The following MGLL variants were observed in gnomAD, a reference collection of about 807,000 sequenced individuals.
MGLL encodes monoglyceride lipase.
In MGLL, 7 loss-of-function variants were observed where a neutral mutation model predicts 29.1. That is an observed-to-expected ratio of 0.24 (90% CI 0.14 to 0.45). The LOEUF (loss-of-function observed/expected upper bound fraction) is 0.45, where lower values mean the gene tolerates loss of function less well. Among genes scored for constraint, MGLL ranks in the 20% least tolerant of loss-of-function variants. MGLL has a pLI of 0.99. For synonymous variants in MGLL, 148 were observed against 168.3 expected (o/e 0.88, Z 0.93); for missense variants, 356 against 413.6 (o/e 0.86, Z 1.21).
chr3:127,754,392 C>T (rs1243026425), intron 3 of MGLL, among the ~76,000 whole-genome samples: 1 of 152,164 alleles, frequency 6.6e-6, no homozygotes, highest in African/African-American at 2.4e-5. Context: ...AAGCTCCACA[C>T]AAGTGCCTTC....
chr3:127,741,714 T>C (rs1409853371), intron 3 of MGLL, among the ~76,000 whole-genome samples: 2 of 152,216 alleles, frequency 1.3e-5, no homozygotes, highest in Non-Finnish European at 2.9e-5. Context: ...GCCCTTCTAC[T>C]AGACAAAGCC....
At chr3:127,757,858 C>A (rs1261599448) in intron 3 of MGLL, among the ~76,000 whole-genome samples, 1 of 152,188 alleles carries the variant, frequency 6.6e-6, no homozygotes, top group Admixed American at 6.5e-5. Context: ...TACAGGAGTG[C>A]CGGGAAGAAA....
chr3:127,713,310 T>G (rs2075754304), intron 5 of MGLL: 1 of 152,396 alleles, frequency 6.6e-6, no homozygotes, highest in Admixed American at 6.5e-5. Context: ...TGATCCTGTG[T>G]GCAGCCAGAG....
In MGLL at chr3:127,732,123, C is replaced by A. The variant is rs73859594; in HGVS notation, c.263-9557G>T. On this transcript the variant is annotated intron_variant, in intron 3 of 7. Coordinates refer to ENST00000265052, the MANE Select transcript of MGLL (RefSeq NM_007283.7). Reference sequence around the variant, plus strand: ...CTCCCCCTTCCCTTTTTTCAGGGAACCAGGCTTTCTTAGCATTCATTTTCT... The same window carrying A: ...CTCCCCCTTCCCTTTTTTCAGGGAAACAGGCTTTCTTAGCATTCATTTTCT... 8.9e-3 allele frequency among the ~76,000 whole-genome samples: 1,356 copies of A among 152,266 alleles called. 16 individuals are homozygous for A. The highest frequency in any genetic ancestry group is 0.031 in the African/African-American group (1,294 of 41,530).
At chr3:127,705,874 T>A (rs1393187495) in intron 6 of MGLL, among the ~76,000 whole-genome samples, 1 of 148,760 alleles carries the variant, frequency 6.7e-6, no homozygotes, top group Admixed American at 6.7e-5. Flanking sequence ...ATTAGGGAAA[T>A]AGAAATCAAA....
intron 3 of MGLL, among the ~76,000 whole-genome samples, chr3:127,743,513 C>T (rs1256254581): frequency 6.8e-6 from 1 of 147,538 alleles, no homozygotes; most frequent in Non-Finnish European, 1.5e-5. Context: ...TAGGTCTGTC[C>T]CTTTTTGCTG....
chr3:127,771,825 C>T (rs776511630), intron 3 of MGLL, among the ~76,000 whole-genome samples: 1 of 152,170 alleles, frequency 6.6e-6, no homozygotes, highest in African/African-American at 2.4e-5. Context: ...CCCAGGGTAA[C>T]ATAGCGTATG....
At chr3:127,756,928 A>G (rs1351488214) in intron 3 of MGLL, among the ~76,000 whole-genome samples, 1 of 152,170 alleles carries the variant, frequency 6.6e-6, no homozygotes, top group Non-Finnish European at 1.5e-5. Flanking sequence ...GACCTCCTCC[A>G]TCCATGTTTC....
chr3:127,816,138 G>T (rs147237685), intron 2 of MGLL, among the ~76,000 whole-genome samples: 2 of 152,172 alleles, frequency 1.3e-5, no homozygotes, highest in Admixed American at 1.3e-4. Context: ...GAGCATCTGC[G>T]CTAAACCAGC....
intron 2 of MGLL, among the ~76,000 whole-genome samples, chr3:127,807,520 C>T (rs2077586788): frequency 1.3e-5 from 2 of 151,774 alleles, no homozygotes; most frequent in African/African-American, 4.8e-5. Flanking sequence ...TTAGGCTTAA[C>T]TTGCTCTTCT....
At position 127,721,125 on chromosome 3, in the gene MGLL, C is replaced by T. The variant is rs111794060; in HGVS notation, c.438G>A (p.Pro146=). ...AIAILTAAER[P]GHFAGMVLIS... is the part of the protein sequence containing the mutation. ...TGAGTACCATGCCGGCGAAGTGGCC[C>T]GGCCTCTCTGCGGCCGTGAGGATGG... Residue 146 remains proline, a synonymous_variant, in exon 5 of 8, where the codon CCG becomes CCA. Coordinates refer to ENST00000265052, the MANE Select transcript of MGLL (RefSeq NM_007283.7). 752 of 1,614,198 alleles carry T rather than the reference C, an allele frequency of 4.7e-4. 7 individuals are homozygous for T. In the African/African-American group the frequency reaches 8.5e-3, roughly 18 times the overall value.
At chr3:127,799,415 C>T (rs1324945258) in intron 2 of MGLL, 2 of 152,250 alleles carry the variant, frequency 1.3e-5, no homozygotes, top group African/African-American at 2.4e-5. Context: ...GCCCTCACCA[C>T]TCACCAGTCA....
chr3:127,690,419 C>T lies in MGLL; in HGVS notation c.*1779G>A, dbSNP rs1486739412. 1.3e-5 allele frequency: 2 copies of T among 152,272 alleles called. No individual in the cohort carries two copies. The highest frequency in any genetic ancestry group is 2.9e-5 in the Non-Finnish European group (2 of 68,096). The allele number at this position is 152,272 out of a possible 1,614,324, so 9.4% of individuals were successfully genotyped here. A position where few individuals can be genotyped will look rare whatever the true frequency, so the allele number is the denominator to read the frequency against. ...CTCCCCCAGGGCACAGAGTGATCTT[C>T]AGCAGGGTGACCCGTTCCTGGCTCT... On this transcript the variant is annotated 3_prime_UTR_variant, in exon 8 of 8. Transcript: ENST00000265052.
intron 3 of MGLL, among the ~76,000 whole-genome samples, chr3:127,757,202 A>C (rs1264458933): frequency 6.6e-6 from 1 of 152,156 alleles, no homozygotes; most frequent in Non-Finnish European, 1.5e-5. Flanking sequence ...AGCCGAACCC[A>C]ACTTGAGGCC....
Position 127,692,094 on chromosome 3 carries a change from A to ATTTT in MGLL, c.*100_*103dup, listed in dbSNP as rs11433015. On this transcript the variant is annotated 3_prime_UTR_variant, in exon 8 of 8. Transcript: ENST00000265052. ...GTGCTAAGGATTTCTCCAATTTCTG[A>ATTTT]TTTTTTTTTTTTTTTTTTTTTGGCA... The ATTTT allele has an allele frequency of 6.6e-4, 468 of 709,022 alleles. 33 individuals are homozygous for ATTTT. The highest frequency in any genetic ancestry group is 1.4e-3 in the South Asian group (87 of 60,914). 43.9% of individuals were successfully genotyped at this position (709,022 alleles called of 1,614,324 possible). A position where few individuals can be genotyped will look rare whatever the true frequency, so the allele number is the denominator to read the frequency against.
chr3:127,792,463 G>A (rs2077315842), intron 2 of MGLL, among the ~76,000 whole-genome samples: 1 of 152,140 alleles, frequency 6.6e-6, no homozygotes, highest in Non-Finnish European at 1.5e-5. Context: ...TAGCACTTTG[G>A]GAGGCCAAGG....
At chr3:127,762,713 G>C (rs75601890) in intron 3 of MGLL, among the ~76,000 whole-genome samples, 3,315 of 152,298 alleles carry the variant, frequency 0.022, 131 homozygotes, top group East Asian at 0.18. Context: ...CATCAAATGA[G>C]AGCAGTTCTG....
intron 6 of MGLL, among the ~76,000 whole-genome samples, chr3:127,696,063 TG>T (rs1387181615): frequency 6.6e-6 from 1 of 152,142 alleles, no homozygotes; most frequent in African/African-American, 2.4e-5. Context: ...TGGGTCTGGC[TG>T]GGGTGGGCTC....
chr3:127,692,785 T>C (rs1267845638), intron 7 of MGLL, among the ~76,000 whole-genome samples: 2 of 152,228 alleles, frequency 1.3e-5, no homozygotes, highest in African/African-American at 4.8e-5. Flanking sequence ...TGGTCATTCA[T>C]AAGCTGCTCA....
Sources: allele counts gnomAD v4.1 joint callset (sites outside exome capture counted in the v4.1 genomes callset), GRCh38; gene constraint gnomAD v4.1.1; transcripts MANE v1.5; gene names NCBI Gene and HGNC (gene_info 2026-07-23, HGNC 2026-07-21).